The following NFASC variants were observed in gnomAD, a reference collection of about 807,000 sequenced individuals.
NFASC encodes the protein neurofascin homolog.
Under a neutral mutation model 147.5 loss-of-function variants are expected in NFASC, and 43 were observed. The ratio of observed to expected loss-of-function variants is 0.29; its 90% CI spans 0.23 to 0.38. The LOEUF is 0.38. Among genes scored for constraint, NFASC ranks in the 10% least tolerant of loss-of-function variants. The pLI, the probability that NFASC is intolerant of heterozygous loss-of-function variation, is 1.00. For missense variants in NFASC, 1,320 were observed against 1,689.0 expected (o/e 0.78, Z 3.83); for synonymous variants, 622 against 665.5 (o/e 0.93, Z 1.01).
At chr1:204,929,627 G>A (rs190612566) in intron 2 of NFASC, 1 of 152,502 alleles carries the variant, frequency 6.6e-6, no homozygotes, top group Non-Finnish European at 1.5e-5. Context: ...GCTGAGACAT[G>A]GGGTCATTTC....
intron 2 of NFASC, among the ~76,000 whole-genome samples, chr1:204,937,188 C>T (rs2092932226): frequency 6.6e-6 from 1 of 151,824 alleles, no homozygotes; most frequent in East Asian, 1.9e-4. Context: ...GTTTTAGGTT[C>T]AAGGTACAGA....
chr1:204,843,218 C>T (rs1675890425), intron 1 of NFASC, among the ~76,000 whole-genome samples: 1 of 152,168 alleles, frequency 6.6e-6, no homozygotes, highest in African/African-American at 2.4e-5. Context: ...TGGGGACAGA[C>T]CAATATAGGC....
intron 1 of NFASC, among the ~76,000 whole-genome samples, chr1:204,889,254 G>A (rs1168446500): frequency 6.6e-6 from 1 of 152,178 alleles, no homozygotes; most frequent in Non-Finnish European, 1.5e-5. Context: ...AAATCCTTCT[G>A]TCAATGAAGT....
chr1:204,892,269 CTTA>C (rs1256335966), intron 1 of NFASC, among the ~76,000 whole-genome samples: 1 of 152,192 alleles, frequency 6.6e-6, no homozygotes, highest in Non-Finnish European at 1.5e-5. Context: ...CTTTCAGTTC[CTTA>C]GCAAATGTAG....
intron 27 of NFASC, among the ~76,000 whole-genome samples, chr1:205,007,936 G>C (rs921483987): frequency 1.3e-5 from 2 of 152,184 alleles, no homozygotes; most frequent in Admixed American, 6.5e-5. Flanking sequence ...TGACACTGTG[G>C]CGGGGGCCTG....
In NFASC at chr1:205,005,603, G is replaced by C. The variant is rs117882762; in HGVS notation, c.3289+2855G>C. Among the ~76,000 whole-genome samples, 109 of 152,318 alleles carry C rather than the reference G, an allele frequency of 7.2e-4. 2 individuals are homozygous for C. In the East Asian group the frequency reaches 0.019, roughly 27 times the overall value. On this transcript the variant is annotated intron_variant, in intron 27 of 29. Transcript: ENST00000339876. Reference sequence around the variant, plus strand: ...TAACAGACCGATTGAGTATGGTGTTGACAGTCAAATATAATTGCTCTGGGG... The same window carrying C: ...TAACAGACCGATTGAGTATGGTGTTCACAGTCAAATATAATTGCTCTGGGG...
At chr1:204,899,484 G>T (rs1237900469) in intron 1 of NFASC, among the ~76,000 whole-genome samples, 2 of 152,204 alleles carry the variant, frequency 1.3e-5, no homozygotes, top group Non-Finnish European at 2.9e-5. Context: ...TGAGACATTT[G>T]CCGGTTCCTG....
chr1:204,848,841 T>G (rs974276813), intron 1 of NFASC, among the ~76,000 whole-genome samples: 1 of 152,228 alleles, frequency 6.6e-6, no homozygotes, highest in African/African-American at 2.4e-5. Flanking sequence ...CACCTGCAGC[T>G]TAGAAGCAAA....
At chr1:204,850,405 C>T (rs902499891) in intron 1 of NFASC, among the ~76,000 whole-genome samples, 2 of 152,188 alleles carry the variant, frequency 1.3e-5, no homozygotes, top group Admixed American at 6.5e-5. Flanking sequence ...ATGCTTCCAC[C>T]TCTCAGGTGT....
intron 8 of NFASC, among the ~76,000 whole-genome samples, chr1:204,965,945 G>A (rs1287854599): frequency 6.6e-6 from 1 of 152,184 alleles, no homozygotes; most frequent in Non-Finnish European, 1.5e-5. Context: ...TGAAAATGGG[G>A]ATACAACCCT....
rs16854774 is a variant in NFASC at position 204,946,717 on chromosome 1, A to G, written c.91+2311A>G. The G allele has an allele frequency of 6.9e-3, 3,579 of 519,106 alleles. 117 individuals are homozygous for G. Among genetic ancestry groups the G allele is most frequent in the African/African-American group, 0.063 (3,260 of 52,028 alleles). 32.2% of individuals were successfully genotyped at this position (519,106 alleles called of 1,614,324 possible). A position where few individuals can be genotyped will look rare whatever the true frequency, so the allele number is the denominator to read the frequency against. Reference sequence around the variant, plus strand: ...CATTGGCATTTCTGGCAATTTCTATAGAAACAAGTTAAAGTACCTGGCCTT... The same window carrying G: ...CATTGGCATTTCTGGCAATTTCTATGGAAACAAGTTAAAGTACCTGGCCTT... On this transcript the variant is annotated intron_variant, in intron 3 of 29. Transcript: ENST00000339876.
At chr1:204,882,764 AC>A (rs2080522432) in intron 1 of NFASC, among the ~76,000 whole-genome samples, 1 of 152,154 alleles carries the variant, frequency 6.6e-6, no homozygotes, top group African/African-American at 2.4e-5. Context: ...GAGAATGTTT[AC>A]CATGTGCTTT....
At chr1:204,991,530 C>A (rs1182340305) in intron 24 of NFASC, among the ~76,000 whole-genome samples, 1 of 152,236 alleles carries the variant, frequency 6.6e-6, no homozygotes, top group Non-Finnish European at 1.5e-5. Context: ...TTGCCCCCTG[C>A]TGAGTAGGAG....
intron 2 of NFASC, among the ~76,000 whole-genome samples, chr1:204,932,640 A>C (rs1264386988): frequency 6.6e-6 from 1 of 152,248 alleles, no homozygotes; most frequent in East Asian, 1.9e-4. Flanking sequence ...TCTTATTGGA[A>C]CTGAGACACG....
At chr1:204,947,581 C>A (rs933595191) in intron 3 of NFASC, among the ~76,000 whole-genome samples, 1 of 152,230 alleles carries the variant, frequency 6.6e-6, no homozygotes, top group African/African-American at 2.4e-5. Context: ...CACTGCTGTG[C>A]CAGTGAAGTC....
chr1:204,913,587 A>G (rs1292440061), intron 1 of NFASC, among the ~76,000 whole-genome samples: 1 of 152,212 alleles, frequency 6.6e-6, no homozygotes, highest in African/African-American at 2.4e-5. Context: ...TAAATAAATG[A>G]GGTTAGGATC....
chr1:204,905,240 A>G (rs1186319571), intron 1 of NFASC, among the ~76,000 whole-genome samples: 1 of 152,182 alleles, frequency 6.6e-6, no homozygotes, highest in Non-Finnish European at 1.5e-5. Context: ...ATGCACTAGC[A>G]CACCTGGCTT....
chr1:204,829,968 G>T lies in NFASC; in HGVS notation c.-200+1186G>T, dbSNP rs566824704. Among the ~76,000 whole-genome samples, 5 of 151,648 alleles carry T rather than the reference G, an allele frequency of 3.3e-5. No individual in the cohort carries two copies. The South Asian group carries it at 1.0e-3, about 32-fold the overall frequency. ...CAGCCCCCATCCTGTCCTGAGCCAG[G>T]TTCTGCTCCTGACTCCTTCCTTGGC... On this transcript the variant is annotated intron_variant, in intron 1 of 29. Coordinates refer to ENST00000339876, the MANE Select transcript of NFASC (RefSeq NM_001005388.3).
intron 27 of NFASC, among the ~76,000 whole-genome samples, chr1:205,003,109 C>T (rs975243687): frequency 7.9e-5 from 12 of 152,310 alleles, no homozygotes; most frequent in South Asian, 2.1e-4. Flanking sequence ...GCAGCCTGGC[C>T]TGTGCGCACA....
Sources: gnomAD v4.1 joint callset for allele counts (sites outside exome capture counted in the v4.1 genomes callset) on GRCh38, gnomAD v4.1.1 for gene constraint, MANE v1.5 for transcripts, NCBI Gene and HGNC (gene_info 2026-07-23, HGNC 2026-07-21) for gene names.